The following ZMIZ1 variants were observed in gnomAD, a reference collection of about 807,000 sequenced individuals.
ZMIZ1 encodes zinc finger MIZ domain-containing protein 1.
In ZMIZ1, 17 loss-of-function variants were observed where a neutral mutation model predicts 113.9. The observed-to-expected ratio is 0.15, with a 90% confidence interval of 0.10 to 0.22. The LOEUF is 0.22. ZMIZ1 is among the 10% of genes least tolerant of loss of function. The pLI, the probability that ZMIZ1 is intolerant of heterozygous loss-of-function variation, is 1.00. For synonymous variants in ZMIZ1, 607 were observed against 603.1 expected (o/e 1.01, Z -0.09); for missense variants, 1,059 against 1,477.8 (o/e 0.72, Z 4.65).
At position 79,216,155 on chromosome 10, in the gene ZMIZ1, C is replaced by A; in HGVS notation, c.175-14C>A. On this transcript the variant is annotated splice_polypyrimidine_tract_variant and intron_variant, in intron 6 of 24. Coordinates refer to ENST00000334512, the MANE Select transcript of ZMIZ1 (RefSeq NM_020338.4). ...CTCCGTGACTCACCTGCCCTCCTCC[C>A]CTCTTGCTTTCAGGTGGTCAGTCGG... The A allele has an allele frequency of 6.8e-7, 1 of 1,474,734 alleles. No homozygotes were observed. 91.4% of individuals were successfully genotyped at this position (1,474,734 alleles called of 1,614,324 possible).
chr10:79,266,414 T>G (rs181589645), intron 7 of ZMIZ1, among the ~76,000 whole-genome samples: 126 of 152,282 alleles, frequency 8.3e-4, no homozygotes, highest in African/African-American at 3.0e-3. Context: ...AAAATACAGG[T>G]AGTGTAATCC....
At chr10:79,295,986 T>C (rs1301723098) in intron 12 of ZMIZ1, 4 of 167,546 alleles carry the variant, frequency 2.4e-5, no homozygotes, top group African/African-American at 9.6e-5. Context: ...ACTAGGTGTG[T>C]GTTCTGCTCT....
intron 2 of ZMIZ1, among the ~76,000 whole-genome samples, chr10:79,137,392 T>C (rs893725701): frequency 6.6e-6 from 1 of 152,226 alleles, no homozygotes; most frequent in African/African-American, 2.4e-5. Context: ...CTTCTCTGCA[T>C]ATGCAGGACA....
chr10:79,172,268 G>A (rs957734800), intron 4 of ZMIZ1, among the ~76,000 whole-genome samples: 1 of 152,092 alleles, frequency 6.6e-6, no homozygotes, highest in Non-Finnish European at 1.5e-5. Context: ...GGGCCCAGCT[G>A]GGAGCCTCCC....
Position 79,255,378 on chromosome 10 carries a change from G to A in ZMIZ1, c.281-21803G>A, listed in dbSNP as rs531980839. On this transcript the variant is annotated intron_variant, in intron 7 of 24. Transcript: ENST00000334512. Reference sequence around the variant, plus strand: ...ACCTGGGTTGCCCCCACCCTTCTTCGGGAATGGATGTGAGCAAGTCTGCTG... The same window carrying A: ...ACCTGGGTTGCCCCCACCCTTCTTCAGGAATGGATGTGAGCAAGTCTGCTG... Among the ~76,000 whole-genome samples the A allele has an allele frequency of 3.3e-5, 5 of 152,330 alleles. No homozygotes were observed. The South Asian group carries it at 1.0e-3, about 32-fold the overall frequency.
chr10:79,257,920 C>T (rs1252465316), intron 7 of ZMIZ1, among the ~76,000 whole-genome samples: 2 of 152,210 alleles, frequency 1.3e-5, no homozygotes, highest in Non-Finnish European at 2.9e-5. Context: ...GAAGGGACCT[C>T]GCTTTTGTTG....
intron 4 of ZMIZ1, among the ~76,000 whole-genome samples, chr10:79,199,081 G>T (rs868474632): frequency 6.6e-6 from 1 of 152,080 alleles, no homozygotes. Flanking sequence ...TTTCAGGCTG[G>T]AGTGTGAGCC....
At chr10:79,312,404 G>A (rs537926643) in intron 24 of ZMIZ1, among the ~76,000 whole-genome samples, 208 of 152,392 alleles carry the variant, frequency 1.4e-3, no homozygotes, top group Admixed American at 6.9e-3. Flanking sequence ...GGTGGGCTGC[G>A]GGTCCCAATC....
intron 5 of ZMIZ1, among the ~76,000 whole-genome samples, chr10:79,203,698 T>G (rs1427480831): frequency 6.6e-6 from 1 of 152,250 alleles, no homozygotes; most frequent in African/African-American, 2.4e-5. Flanking sequence ...TGGGTCCATC[T>G]TGGGCAGAGG....
In ZMIZ1 at chr10:79,313,747, C is replaced by G. The variant is rs1003571143; in HGVS notation, c.*998C>G. The G allele has an allele frequency of 6.4e-6, 2 of 312,974 alleles. No individual in the cohort carries two copies. The highest frequency in any genetic ancestry group is 2.2e-5 in the African/African-American group (1 of 46,004). The allele number at this position is 312,974 out of a possible 1,614,324, so 19.4% of individuals were successfully genotyped here. A position where few individuals can be genotyped will look rare whatever the true frequency, so the allele number is the denominator to read the frequency against. On this transcript the variant is annotated 3_prime_UTR_variant, in exon 25 of 25. Coordinates refer to ENST00000334512, the MANE Select transcript of ZMIZ1 (RefSeq NM_020338.4). ...CTTGGACAGCAAGCAAACCATTTCT[C>G]TCCGTCTGTTCTGTTTTTCTCCTAG... is the stretch of plus-strand genomic sequence containing the variant.
intron 2 of ZMIZ1, among the ~76,000 whole-genome samples, chr10:79,123,024 T>C (rs1019434334): frequency 3.9e-5 from 6 of 152,216 alleles, no homozygotes; most frequent in African/African-American, 1.4e-4. Flanking sequence ...CCACAAGTGA[T>C]GTGGCCCAGT....
intron 7 of ZMIZ1, among the ~76,000 whole-genome samples, chr10:79,245,597 G>A (rs1850144621): frequency 6.6e-6 from 1 of 152,218 alleles, no homozygotes; most frequent in South Asian, 2.1e-4. Flanking sequence ...AGTCCATGCA[G>A]TCCCTGGGAA....
At chr10:79,305,034 C>G in intron 19 of ZMIZ1, 130 bp from the exon 20 acceptor site, 1 of 1,001,188 alleles carries the variant, frequency 1.0e-6, no homozygotes, top group Non-Finnish European at 1.5e-6. Flanking sequence ...TTCCACCCAG[C>G]CCCAGCCCGG....
At chr10:79,221,998 C>T (rs1176508892) in intron 7 of ZMIZ1, among the ~76,000 whole-genome samples, 1 of 152,184 alleles carries the variant, frequency 6.6e-6, no homozygotes, top group East Asian at 1.9e-4. Context: ...TTGGAGCTTC[C>T]GCAGGATGTC....
chr10:79,202,056 CA>C (rs55985942), intron 5 of ZMIZ1, among the ~76,000 whole-genome samples: 34,369 of 71,772 alleles, frequency 0.48, 6,007 homozygotes, highest in East Asian at 0.62. Context: ...CAGTCGTTCT[CA>C]AAAAAAAAAA....
intron 1 of ZMIZ1, among the ~76,000 whole-genome samples, chr10:79,106,217 C>T (rs956422931): frequency 3.3e-5 from 5 of 152,222 alleles, no homozygotes; most frequent in African/African-American, 1.2e-4. Flanking sequence ...GCTGCTCTCT[C>T]CTAGGCCAGA....
intron 1 of ZMIZ1, among the ~76,000 whole-genome samples, chr10:79,111,218 A>T (rs1046558497): frequency 6.6e-6 from 1 of 152,140 alleles, no homozygotes; most frequent in African/African-American, 2.4e-5. Flanking sequence ...AGGCCCTGGC[A>T]CCCAGGCCAG....
At chr10:79,191,021 A>C (rs1424762448) in intron 4 of ZMIZ1, among the ~76,000 whole-genome samples, 2 of 152,072 alleles carry the variant, frequency 1.3e-5, no homozygotes, top group African/African-American at 2.4e-5. Context: ...GCTGTGCAGA[A>C]GTGTATGTGG....
chr10:79,190,919 C>T (rs959186916), intron 4 of ZMIZ1, among the ~76,000 whole-genome samples: 1 of 152,004 alleles, frequency 6.6e-6, no homozygotes. Context: ...CAAGCTAAGC[C>T]CTCCCCTCTC....
Sources: gnomAD v4.1 joint callset for allele counts (sites outside exome capture counted in the v4.1 genomes callset) on GRCh38, gnomAD v4.1.1 for gene constraint, MANE v1.5 for transcripts, NCBI Gene and HGNC (gene_info 2026-07-23, HGNC 2026-07-21) for gene names.